MERTK: variants seen among roughly 807,000 people sequenced by gnomAD.
MERTK encodes the protein tyrosine-protein kinase Mer.
MERTK carries 69 observed loss-of-function variants against 99.3 expected under a neutral mutation model. The observed-to-expected ratio is 0.70, with a 90% CI of 0.57 to 0.85. MERTK has a LOEUF of 0.85. MERTK is among the 40% of genes least tolerant of loss of function. The probability of loss-of-function intolerance (pLI) is 0.00; values close to 1 mark genes in which losing one functional copy is unlikely to be tolerated. For missense variants in MERTK, 1,125 were observed against 1,249.4 expected, an observed-to-expected ratio of 0.90 and a Z score of 1.50; for synonymous variants, 426 against 467.6, an observed-to-expected ratio of 0.91 and a Z score of 1.15.
At chr2:111,929,898 G>A (rs1558775728) in intron 2 of MERTK, among the ~76,000 whole-genome samples, 1 of 152,128 alleles carries the variant, frequency 6.6e-6, no homozygotes, top group Non-Finnish European at 1.5e-5. Context: ...ACCTTGCCAG[G>A]CCTCTTCCTT....
rs1289109857 is a variant in MERTK, at chr2:111,968,168, C to G, written c.876C>G (p.Ile292Met). Residue 292 changes from isoleucine to methionine, a missense_variant, in exon 6 of 19, where the codon ATC becomes ATG. Coordinates refer to ENST00000295408, the MANE Select transcript of MERTK (RefSeq NM_006343.3). Reference sequence around the variant, plus strand: ...CCTCCCCACCAACTGAAGTCAGCATCCGTAACAGCACTGCACACAGCATTC... The same window carrying G: ...CCTCCCCACCAACTGAAGTCAGCATGCGTAACAGCACTGCACACAGCATTC... ...AIPSPPTEVSIRNSTAHSILI... is the reference protein window; with the variant it reads ...AIPSPPTEVSMRNSTAHSILI... The G allele has an allele frequency of 9.3e-6, 15 of 1,613,918 alleles. No individual in the cohort carries two copies. Among genetic ancestry groups the G allele is most frequent in the African/African-American group, 1.3e-5 (1 of 74,872 alleles).
At chr2:112,009,009 A>T (rs1420757910) in intron 14 of MERTK, among the ~76,000 whole-genome samples, 1 of 152,248 alleles carries the variant, frequency 6.6e-6, no homozygotes, top group African/African-American at 2.4e-5. Context: ...TTAGCCAAAA[A>T]TTACAAAAGA....
chr2:111,981,463 G>A (rs906015626), intron 7 of MERTK, among the ~76,000 whole-genome samples: 2 of 152,050 alleles, frequency 1.3e-5, no homozygotes, highest in African/African-American at 4.8e-5. Context: ...TGCCCAGGCT[G>A]AAGTGCAGTG....
rs1424825795 is a variant in MERTK at position 111,944,760 on chromosome 2, G to T, written c.483-200G>T. 2.0e-5 allele frequency among the ~76,000 whole-genome samples: 3 copies of T among 152,178 alleles called. No individual in the cohort carries two copies. In the East Asian group the frequency reaches 5.8e-4, roughly 29 times the overall value. ...TTACTCAAAGGCTGCTGCTTTAAAT[G>T]CTAGTGACATGTGAAAAGTACCTTC... is the stretch of plus-strand genomic sequence containing the variant. On this transcript the variant is annotated intron_variant, in intron 2 of 18. Coordinates refer to ENST00000295408, the MANE Select transcript of MERTK (RefSeq NM_006343.3).
At position 112,022,156 on chromosome 2, in the gene MERTK, C is replaced by G. The variant is rs930450497; in HGVS notation, c.2350-102C>G. ...CTCACACATAATTGCCAGCTTTGTG[C>G]ATGATCATCAGTGTTTAAGGAAATG... is the stretch of plus-strand genomic sequence containing the variant. On this transcript the variant is annotated intron_variant, in intron 17 of 18. Coordinates refer to ENST00000295408, the MANE Select transcript of MERTK (RefSeq NM_006343.3). 2.0e-6 allele frequency: 3 copies of G among 1,521,326 alleles called. No individual in the cohort carries two copies. In the Admixed American group the frequency reaches 5.2e-5, roughly 26 times the overall value. The allele number at this position is 1,521,326 out of a possible 1,614,324, so 94.2% of individuals were successfully genotyped here. A position where few individuals can be genotyped will look rare whatever the true frequency, so the allele number is the denominator to read the frequency against.
chr2:112,014,493 C>A (rs1225582086), intron 15 of MERTK, among the ~76,000 whole-genome samples: 2 of 151,972 alleles, frequency 1.3e-5, no homozygotes, highest in African/African-American at 4.8e-5. Context: ...CTAATAATTT[C>A]TTGGGGGTGT....
intron 15 of MERTK, among the ~76,000 whole-genome samples, chr2:112,012,669 A>G (rs1353927053): frequency 6.6e-6 from 1 of 152,152 alleles, no homozygotes; most frequent in Non-Finnish European, 1.5e-5. Context: ...TCCAGCATGG[A>G]GAAACTAGAG....
intron 9 of MERTK, among the ~76,000 whole-genome samples, chr2:111,995,941 C>G (rs976402868): frequency 6.6e-6 from 1 of 151,832 alleles, no homozygotes. Flanking sequence ...AGTGAGACCC[C>G]CATCTCCAAA....
intron 16 of MERTK, chr2:112,020,726 C>T: frequency 2.1e-6 from 1 of 469,800 alleles, no homozygotes; most frequent in Non-Finnish European, 4.4e-6. Flanking sequence ...TTCCAGACCT[C>T]TGGGAGGAAG....
Position 111,947,456 on chromosome 2 carries a change from C to G in MERTK, c.646C>G (p.Leu216Val), listed in dbSNP as rs775853257. Residue 216 changes from leucine (L) to valine (V), a missense_variant, in exon 4 of 19, where the codon CTC (leucine) becomes GTC (valine). Leu to Val is a conservative substitution (Grantham distance 32). Transcript: ENST00000295408. ...MNVTRNTAFN[L>V]TCQAVGPPEP... ...TGTCACCAGAAACACAGCCTTCAAC[C>G]TCACCTGTCAGGCTGTGGGCCCGCC... 1.2e-6 allele frequency: 2 copies of G among 1,614,166 alleles called. No individual in the cohort carries two copies. The highest frequency in any genetic ancestry group is 1.1e-5 in the South Asian group (1 of 91,082).
intron 10 of MERTK, among the ~76,000 whole-genome samples, chr2:111,999,772 C>A (rs191677482): frequency 1.3e-5 from 2 of 152,054 alleles, no homozygotes; most frequent in Non-Finnish European, 2.9e-5. Flanking sequence ...TTTAATCACC[C>A]GGGTGCAGGT....
At chr2:111,943,812 G>A (rs952754917) in intron 2 of MERTK, among the ~76,000 whole-genome samples, 6 of 152,126 alleles carry the variant, frequency 3.9e-5, no homozygotes, top group Admixed American at 2.0e-4. Context: ...AACCATACAA[G>A]TATGTTAAAT....
At chr2:111,940,992 G>A (rs1207803840) in intron 2 of MERTK, 17 of 586,024 alleles carry the variant, frequency 2.9e-5, no homozygotes, top group East Asian at 7.4e-5. Context: ...AGTTGAAACC[G>A]GCGGGGTTGT....
In MERTK at chr2:111,929,510, A is replaced by T; in HGVS notation, c.452A>T (p.Asp151Val). 1 of 1,613,646 alleles carries T rather than the reference A, an allele frequency of 6.2e-7. No individual in the cohort carries two copies. The highest frequency in any genetic ancestry group is 2.2e-5 in the East Asian group (1 of 44,886). Residue 151 changes from aspartate (D) to valine (V), a missense_variant, in exon 2 of 19, where the codon GAT (aspartate) becomes GTT (valine). By Grantham distance (152) the Asp-to-Val change is radical. Transcript: ENST00000295408. ...GCAATTACACAGTTTTATCCAGATGATGAAGTTACAGCAATAATCGCTTCC... is the reference window on the plus strand; with the variant it reads ...GCAATTACACAGTTTTATCCAGATGTTGAAGTTACAGCAATAATCGCTTCC... ...HHAITQFYPD[D>V]EVTAIIASFS... is the part of the protein sequence containing the mutation.
At chr2:111,926,288 A>G (rs1327827664) in intron 1 of MERTK, among the ~76,000 whole-genome samples, 1 of 152,194 alleles carries the variant, frequency 6.6e-6, no homozygotes, top group Non-Finnish European at 1.5e-5. Context: ...TTGCCTTCTA[A>G]GAAAGGGACC....
chr2:112,021,709 A>ATG (rs1553459723), intron 17 of MERTK, 128 bp downstream of exon 17: 5 of 780,976 alleles, frequency 6.4e-6, no homozygotes, highest in East Asian at 2.6e-5. Context: ...GCTTGCTCAG[A>ATG]TCTCTTTTAT....
chr2:111,975,424 G>A lies in MERTK; in HGVS notation c.1096G>A (p.Gly366Ser). 1.2e-6 allele frequency: 2 copies of A among 1,614,220 alleles called. No homozygotes were observed. Among genetic ancestry groups the A allele is most frequent in the South Asian group, 2.2e-5 (2 of 91,086 alleles). ...TGGTGTTTCCTGCATGAATGAAATAGGCTGGTCTGCAGTGAGCCCTTGGAT... is the reference window on the plus strand; with the variant it reads ...TGGTGTTTCCTGCATGAATGAAATAAGCTGGTCTGCAGTGAGCCCTTGGAT... ...SIGVSCMNEI[G>S]WSAVSPWILA... The change falls in exon 7 of 19, where the codon GGC becomes AGC. Residue 366 changes from glycine to serine, a missense_variant. Gly to Ser is a moderately conservative substitution (Grantham distance 56, BLOSUM62 0). Coordinates refer to ENST00000295408, the MANE Select transcript of MERTK (RefSeq NM_006343.3).
intron 1 of MERTK, among the ~76,000 whole-genome samples, chr2:111,901,459 T>G (rs1216221065): frequency 6.6e-6 from 1 of 152,224 alleles, no homozygotes; most frequent in African/African-American, 2.4e-5. Context: ...CTTCAAATGC[T>G]TTTTGAAAGT....
intron 3 of MERTK, 119 bp downstream of exon 3, chr2:111,945,179 C>T (rs1684942888): frequency 2.6e-6 from 2 of 759,344 alleles, no homozygotes; most frequent in South Asian, 1.5e-5. Flanking sequence ...TGTATGCAAA[C>T]CTTGCAAATC....
Sources: gnomAD v4.1 joint callset for allele counts (sites outside exome capture counted in the v4.1 genomes callset) on GRCh38, gnomAD v4.1.1 for gene constraint, MANE v1.5 for transcripts, NCBI Gene and HGNC (gene_info 2026-07-23, HGNC 2026-07-21) for gene names.